The following RPA1 variants were observed in gnomAD, a reference collection of about 807,000 sequenced individuals.
RPA1 encodes replication protein A1.
A neutral mutation model predicts 83.0 loss-of-function variants in RPA1; 49 were observed. The ratio of observed to expected loss-of-function variants is 0.59; its 90% CI spans 0.47 to 0.75. RPA1 has a LOEUF of 0.75. Among genes scored for constraint, RPA1 ranks in the 30% least tolerant of loss-of-function variants. The probability of loss-of-function intolerance (pLI) is 0.00; values close to 1 mark genes in which losing one functional copy is unlikely to be tolerated. For missense variants in RPA1, 693 were observed against 776.1 expected, an observed-to-expected ratio of 0.89 and a Z score of 1.27; for synonymous variants, 279 against 281.8, an observed-to-expected ratio of 0.99 and a Z score of 0.10.
At chr17:1,842,962 C>T (rs1051100084) in intron 2 of RPA1, 109 bp downstream of exon 2, 2 of 1,131,458 alleles carry the variant, frequency 1.8e-6, no homozygotes, top group Non-Finnish European at 2.6e-6. Flanking sequence ...GAAATTCACC[C>T]CCAGTCACAA....
Position 1,888,673 on chromosome 17 carries a change from A to T in RPA1, c.1375-2A>T. 1 of 1,608,298 alleles carries T rather than the reference A, an allele frequency of 6.2e-7. No individual in the cohort carries two copies. The highest frequency in any genetic ancestry group is 8.5e-7 in the Non-Finnish European group (1 of 1,175,588). On this transcript the variant is annotated splice_acceptor_variant, in intron 13 of 16. Transcript: ENST00000254719. LOFTEE classifies it high-confidence loss of function. ...GCCTCATGCTGTTCTTTTCTCCCGA[A>T]GCCGGACTACTTTAGTTCTGTGGCC...
chr17:1,858,386 G>A (rs1391601405), intron 5 of RPA1: 4 of 1,598,524 alleles, frequency 2.5e-6, no homozygotes, highest in Non-Finnish European at 3.4e-6. Flanking sequence ...ATACAGAGCT[G>A]AGGGCTAAAG....
intron 4 of RPA1, among the ~76,000 whole-genome samples, chr17:1,846,796 T>G (rs1230350178): frequency 1.3e-5 from 2 of 152,190 alleles, no homozygotes. Context: ...GTCTTTACTT[T>G]AACCTTTTTT....
rs374165228 is a variant in RPA1, at chr17:1,897,037, T to C, written c.1747-34T>C. On this transcript the variant is annotated intron_variant, in intron 16 of 16. Coordinates refer to ENST00000254719, the MANE Select transcript of RPA1 (RefSeq NM_002945.5). Reference sequence around the variant, plus strand: ...GGTTTCACTGCTCCACACCACACTTTCACTGCTCACAAACTACTTCTCCCT... The same window carrying C: ...GGTTTCACTGCTCCACACCACACTTCCACTGCTCACAAACTACTTCTCCCT... 3.5e-5 allele frequency: 54 copies of C among 1,536,436 alleles called. No homozygotes were observed. The African/African-American group carries it at 6.2e-4, about 18-fold the overall frequency.
intron 5 of RPA1, among the ~76,000 whole-genome samples, chr17:1,861,393 G>A (rs1467166563): frequency 1.3e-5 from 2 of 152,150 alleles, no homozygotes; most frequent in African/African-American, 4.8e-5. Flanking sequence ...TGCGTCTCAC[G>A]TATTTTCTCC....
chr17:1,842,744 T>C (rs1597421032), intron 1 of RPA1, 59 bp from the exon 2 acceptor site: 2 of 1,453,506 alleles, frequency 1.4e-6, no homozygotes, highest in East Asian at 2.3e-5. Context: ...TATAAAAACA[T>C]GTCATTTTCA....
At chr17:1,832,293 A>G (rs1302476585) in intron 1 of RPA1, among the ~76,000 whole-genome samples, 1 of 152,032 alleles carries the variant, frequency 6.6e-6, no homozygotes, top group Non-Finnish European at 1.5e-5. Context: ...CACACTGGCA[A>G]ACACTATCTT....
chr17:1,857,295 TATTTA>T (rs1459848319), intron 5 of RPA1, among the ~76,000 whole-genome samples: 21 of 146,830 alleles, frequency 1.4e-4, no homozygotes, highest in African/African-American at 5.5e-4. Context: ...ATAAAATGAG[TATTTA>T]ATTCAGTTTC....
At chr17:1,854,223 G>A (rs969680527) in intron 5 of RPA1, 4 of 152,090 alleles carry the variant, frequency 2.6e-5, no homozygotes, top group Non-Finnish European at 5.9e-5. Context: ...TAAAGGAAAG[G>A]ATTGTTTGCC....
intron 12 of RPA1, among the ~76,000 whole-genome samples, chr17:1,883,439 G>C (rs1257914290): frequency 6.6e-6 from 1 of 152,054 alleles, no homozygotes; most frequent in Non-Finnish European, 1.5e-5. Context: ...GGGGTTACAG[G>C]CATGAGCCAC....
At chr17:1,860,719 G>A (rs1000215305) in intron 5 of RPA1, among the ~76,000 whole-genome samples, 2 of 152,076 alleles carry the variant, frequency 1.3e-5, no homozygotes, top group African/African-American at 4.8e-5. Context: ...AGTTGATCCC[G>A]GCCTCTCCGA....
In RPA1 at chr17:1,898,501, C is replaced by T. The variant is rs150699708; in HGVS notation, c.*1326C>T. 16 of 152,400 alleles carry T rather than the reference C, an allele frequency of 1.0e-4. No individual in the cohort carries two copies. In the Middle Eastern group the frequency reaches 0.01, roughly 97 times the overall value. The allele number at this position is 152,400 out of a possible 1,614,324, so 9.4% of individuals were successfully genotyped here. A position where few individuals can be genotyped will look rare whatever the true frequency, so the allele number is the denominator to read the frequency against. ...ACCGCCTGCCATTGGCCGCACATCT[C>T]GCCGTCGTACCCCGGCAGTGCGGCG... On this transcript the variant is annotated 3_prime_UTR_variant, in exon 17 of 17. Transcript: ENST00000254719.
intron 4 of RPA1, 24 bp downstream of exon 4, chr17:1,844,710 CTTA>C: frequency 6.4e-7 from 1 of 1,558,928 alleles, no homozygotes; most frequent in Non-Finnish European, 8.8e-7. Context: ...TTTTTTCTGT[CTTA>C]TTGTATCGTA....
intron 7 of RPA1, among the ~76,000 whole-genome samples, chr17:1,876,098 G>C (rs1913563201): frequency 6.6e-6 from 1 of 152,156 alleles, no homozygotes; most frequent in South Asian, 2.1e-4. Context: ...AGTCTTATGA[G>C]TAAAAATAAA....
Position 1,895,103 on chromosome 17 carries a change from A to G in RPA1, c.1746+8A>G, listed in dbSNP as rs1466618013. 2 of 1,610,902 alleles carry G rather than the reference A, an allele frequency of 1.2e-6. No individual in the cohort carries two copies. Among genetic ancestry groups the G allele is most frequent in the Non-Finnish European group, 1.7e-6 (2 of 1,177,560 alleles). On this transcript the variant is annotated splice_region_variant and intron_variant, in intron 16 of 16. Coordinates refer to ENST00000254719, the MANE Select transcript of RPA1 (RefSeq NM_002945.5). ...AAAGTGGAGACCTACAACGTAAGTA[A>G]GGGCCTGGGCAGCAGGGTTGGTGGT...
At chr17:1,880,819 C>G (rs2151287806) in intron 12 of RPA1, 128 bp downstream of exon 12, 9 of 1,304,896 alleles carry the variant, frequency 6.9e-6, no homozygotes, top group Non-Finnish European at 9.5e-6. Flanking sequence ...TTCCGTGTTT[C>G]TTGAAGGCAT....
intron 4 of RPA1, among the ~76,000 whole-genome samples, chr17:1,851,632 G>C (rs548930462): frequency 1.3e-5 from 2 of 152,104 alleles, no homozygotes; most frequent in African/African-American, 4.8e-5. Flanking sequence ...TTTTGGTTTT[G>C]TGTGTGTGTT....
In RPA1 at chr17:1,895,288, G is replaced by A. The variant is rs565332712; in HGVS notation, c.1746+193G>A. Among the ~76,000 whole-genome samples the A allele has an allele frequency of 2.1e-4, 31 of 151,010 alleles. No homozygotes were observed. The South Asian group carries it at 4.6e-3, about 22-fold the overall frequency. On this transcript the variant is annotated intron_variant, in intron 16 of 16. Coordinates refer to ENST00000254719, the MANE Select transcript of RPA1 (RefSeq NM_002945.5). ...GGAGAGAGAGCTTAAGTGTCTTGTC[G>A]AAACAATGGCGGGGGGGTGGGGAAT...
At chr17:1,877,121 G>T in intron 7 of RPA1, 91 bp from the exon 8 acceptor site, 2 of 1,221,734 alleles carry the variant, frequency 1.6e-6, no homozygotes, top group South Asian at 2.5e-5. Flanking sequence ...CGGAATATGC[G>T]TAAGACGAGA....
Sources: allele counts gnomAD v4.1 joint callset (sites outside exome capture counted in the v4.1 genomes callset), GRCh38; gene constraint gnomAD v4.1.1; transcripts MANE v1.5; gene names NCBI Gene and HGNC (gene_info 2026-07-23, HGNC 2026-07-21).